CAB39L: variants seen among roughly 807,000 people sequenced by gnomAD.
CAB39L encodes calcium binding protein 39 like.
CAB39L carries 23 observed loss-of-function variants against 39.1 expected under a neutral mutation model. The ratio of observed to expected loss-of-function variants is 0.59; its 90% CI spans 0.42 to 0.83. The LOEUF (loss-of-function observed/expected upper bound fraction) is 0.83. CAB39L is among the 40% of genes least tolerant of loss of function. The pLI is 0.00. For synonymous variants in CAB39L, 126 were observed against 137.2 expected (o/e 0.92, Z 0.57); for missense variants, 366 against 391.9 (o/e 0.93, Z 0.56).
chr13:49,430,486 T>C (rs1335697164), intron 3 of CAB39L, among the ~76,000 whole-genome samples: 3 of 152,206 alleles, frequency 2.0e-5, no homozygotes, highest in Non-Finnish European at 4.4e-5. Flanking sequence ...GGTCAGCCAC[T>C]GGCGTATAGG....
intron 3 of CAB39L, 63 bp from the exon 4 acceptor site, chr13:49,383,004 C>A: frequency 1.6e-6 from 1 of 641,432 alleles, no homozygotes; most frequent in South Asian, 2.0e-5. Context: ...AATTTTTATA[C>A]CAATGTCTTA....
chr13:49,368,539 A>AG (rs1481974883), intron 5 of CAB39L, among the ~76,000 whole-genome samples: 1 of 152,192 alleles, frequency 6.6e-6, no homozygotes, highest in Non-Finnish European at 1.5e-5. Context: ...AGAAGTGGCC[A>AG]GAAAAAAAAG....
intron 1 of CAB39L, among the ~76,000 whole-genome samples, chr13:49,439,921 GTTTTT>G (rs34993624): frequency 7.6e-5 from 6 of 78,542 alleles, no homozygotes; most frequent in African/African-American, 1.4e-4. Flanking sequence ...TTTTTAATGG[GTTTTT>G]TTTTTTTTTT....
intron 9 of CAB39L, among the ~76,000 whole-genome samples, chr13:49,338,496 T>C (rs1954910358): frequency 1.9e-5 from 2 of 104,914 alleles, no homozygotes; most frequent in Admixed American, 1.2e-4. Context: ...CTCTGGGGAC[T>C]GTTGTGGGGT....
chr13:49,406,754 T>C (rs1956889685), intron 3 of CAB39L, among the ~76,000 whole-genome samples: 1 of 152,202 alleles, frequency 6.6e-6, no homozygotes, highest in Non-Finnish European at 1.5e-5. Context: ...GCTTTGCTCT[T>C]ATATTCACCT....
chr13:49,382,491 T>A (rs1438821726), intron 4 of CAB39L: 2 of 171,448 alleles, frequency 1.2e-5, no homozygotes, highest in Non-Finnish European at 2.5e-5. Flanking sequence ...CAGTCAATCT[T>A]TAAATAAAAA....
At chr13:49,419,450 T>C (rs1411617754) in intron 3 of CAB39L, among the ~76,000 whole-genome samples, 1 of 152,168 alleles carries the variant, frequency 6.6e-6, no homozygotes, top group Non-Finnish European at 1.5e-5. Flanking sequence ...TGGTGGCATA[T>C]GCCTGTAGTC....
chr13:49,373,319 C>T (rs986801318), intron 5 of CAB39L, among the ~76,000 whole-genome samples: 6 of 152,180 alleles, frequency 3.9e-5, no homozygotes, highest in African/African-American at 1.4e-4. Context: ...AGACTTCAGC[C>T]TTTCAAACTA....
At chr13:49,360,000 CTTGCA>C (rs1955589795) in intron 5 of CAB39L, among the ~76,000 whole-genome samples, 168 bp from the exon 6 acceptor site, 1 of 152,168 alleles carries the variant, frequency 6.6e-6, no homozygotes, top group Non-Finnish European at 1.5e-5. Flanking sequence ...ACAAGCTGTG[CTTGCA>C]AACACAGTCT....
At chr13:49,383,358 A>G (rs1031302678) in intron 3 of CAB39L, among the ~76,000 whole-genome samples, 4 of 152,128 alleles carry the variant, frequency 2.6e-5, no homozygotes, top group African/African-American at 4.8e-5. Flanking sequence ...TTAATGAACT[A>G]TTTCACAAAA....
rs191983982 is a variant in CAB39L at position 49,410,463 on chromosome 13, T to A, written c.-32+22855A>T. ...TATTGAAACCAGAACTATACAAAAATTTTATGTTGGAGAATCATATTATTA... is the reference window on the plus strand; with the variant it reads ...TATTGAAACCAGAACTATACAAAAAATTTATGTTGGAGAATCATATTATTA... On this transcript the variant is annotated intron_variant, in intron 3 of 10. Coordinates refer to ENST00000409308, the MANE Select transcript of CAB39L (RefSeq NM_001079670.3). Among the ~76,000 whole-genome samples the A allele has an allele frequency of 2.9e-3, 446 of 152,316 alleles. 1 individual carries two copies. The Middle Eastern group carries it at 0.031, about 10-fold the overall frequency.
chr13:49,328,294 A>G (rs1024193676), intron 10 of CAB39L, among the ~76,000 whole-genome samples: 5 of 152,234 alleles, frequency 3.3e-5, no homozygotes, highest in African/African-American at 1.2e-4. Context: ...TATGAAGAAC[A>G]TAAAGTGGTA....
chr13:49,373,950 T>C (rs1955990813), intron 5 of CAB39L, among the ~76,000 whole-genome samples: 1 of 152,248 alleles, frequency 6.6e-6, no homozygotes, highest in Non-Finnish European at 1.5e-5. Context: ...TTCATAGAGA[T>C]AACATAGTAC....
intron 3 of CAB39L, among the ~76,000 whole-genome samples, chr13:49,421,075 C>T (rs1255765915): frequency 6.6e-6 from 1 of 152,120 alleles, no homozygotes; most frequent in Non-Finnish European, 1.5e-5. Flanking sequence ...GACCTCAGGA[C>T]CCAGGAGAAA....
intron 3 of CAB39L, among the ~76,000 whole-genome samples, chr13:49,412,372 A>G (rs1957007937): frequency 6.6e-6 from 1 of 152,174 alleles, no homozygotes; most frequent in African/African-American, 2.4e-5. Flanking sequence ...ATTTAAAAAA[A>G]AAAAAATGGC....
intron 1 of CAB39L, among the ~76,000 whole-genome samples, chr13:49,442,211 C>G (rs1957536466): frequency 6.6e-6 from 1 of 152,140 alleles, no homozygotes; most frequent in Non-Finnish European, 1.5e-5. Context: ...GCCTATGCCA[C>G]TACTCTTTGA....
chr13:49,342,418 T>C (rs1009445133), intron 8 of CAB39L, among the ~76,000 whole-genome samples: 1 of 152,144 alleles, frequency 6.6e-6, no homozygotes, highest in Non-Finnish European at 1.5e-5. Context: ...CATGAAATTG[T>C]TTTTTGCTTT....
chr13:49,434,643 C>T (rs1957379775), intron 1 of CAB39L, among the ~76,000 whole-genome samples: 1 of 151,882 alleles, frequency 6.6e-6, no homozygotes, highest in Non-Finnish European at 1.5e-5. Context: ...GAGGATTAGG[C>T]CTGGGAGTTT....
intron 3 of CAB39L, among the ~76,000 whole-genome samples, chr13:49,428,654 T>C (rs1566137036): frequency 6.6e-6 from 1 of 152,128 alleles, no homozygotes; most frequent in Non-Finnish European, 1.5e-5. Flanking sequence ...ATAACTTCTC[T>C]TTTCTTAGGG....
Sources: allele counts gnomAD v4.1 joint callset (sites outside exome capture counted in the v4.1 genomes callset), GRCh38; gene constraint gnomAD v4.1.1; transcripts MANE v1.5; gene names NCBI Gene and HGNC (gene_info 2026-07-23, HGNC 2026-07-21).